Variants in ABCA1 observed in about 807,000 individuals in gnomAD.
The protein encoded by ABCA1 is ATP binding cassette subfamily A member 1, also known as phospholipid-transporting ATPase ABCA1.
A neutral mutation model predicts 262.5 loss-of-function variants in ABCA1; 133 were observed. The observed-to-expected ratio is 0.51, with a 90% CI of 0.44 to 0.59. The LOEUF is 0.59. Among genes scored for constraint, ABCA1 ranks in the 20% least tolerant of loss-of-function variants. The pLI is 0.00. For synonymous variants in ABCA1, 1,022 were observed against 1,043.5 expected (o/e 0.98, Z 0.40); for missense variants, 2,452 against 2,777.5 (o/e 0.88, Z 2.63).
intron 5 of ABCA1, among the ~76,000 whole-genome samples, chr9:104,864,746 C>T (rs1167216509): frequency 1.3e-5 from 2 of 152,066 alleles, no homozygotes; most frequent in Admixed American, 6.5e-5. Context: ...AGCAGGGTGG[C>T]AGAAGTGTGG....
chr9:104,784,119 C>T lies in ABCA1; in HGVS notation c.*196G>A. Reference sequence around the variant, plus strand: ...ACTTGAGAGCCATACAAGACATAGGCTACAAAGGCACTGCCCCTGTAATGG... The same window carrying T: ...ACTTGAGAGCCATACAAGACATAGGTTACAAAGGCACTGCCCCTGTAATGG... On this transcript the variant is annotated 3_prime_UTR_variant, in exon 50 of 50. Coordinates refer to ENST00000374736, the MANE Select transcript of ABCA1 (RefSeq NM_005502.4). 1 of 641,670 alleles carries T rather than the reference C, an allele frequency of 1.6e-6. No individual in the cohort carries two copies. The highest frequency in any genetic ancestry group is 2.7e-6 in the Non-Finnish European group (1 of 375,648). 39.7% of individuals were successfully genotyped at this position (641,670 alleles called of 1,614,324 possible). A position where few individuals can be genotyped will look rare whatever the true frequency, so the allele number is the denominator to read the frequency against.
chr9:104,831,367 G>A (rs1833308395), intron 13 of ABCA1, among the ~76,000 whole-genome samples: 1 of 151,754 alleles, frequency 6.6e-6, no homozygotes, highest in South Asian at 2.1e-4. Context: ...ACAGGTGCCT[G>A]CCACCAAAAT....
intron 14 of ABCA1, among the ~76,000 whole-genome samples, chr9:104,829,647 G>A (rs1406365251): frequency 6.6e-6 from 1 of 152,094 alleles, no homozygotes; most frequent in Non-Finnish European, 1.5e-5. Context: ...TGAGGTTCAC[G>A]TCAAAGCTTT....
At chr9:104,824,236 C>A (rs545564157) in intron 18 of ABCA1, among the ~76,000 whole-genome samples, 1 of 151,050 alleles carries the variant, frequency 6.6e-6, no homozygotes, top group East Asian at 2.1e-4. Flanking sequence ...GAAGCCAAGA[C>A]AACAAAGAAA....
rs557345999 is a variant in ABCA1, at chr9:104,851,338, G to A, written c.721-5769C>T. On this transcript the variant is annotated intron_variant, in intron 7 of 49. Coordinates refer to ENST00000374736, the MANE Select transcript of ABCA1 (RefSeq NM_005502.4). ...AAGGCCCTATATCCTCACATGGCTC[G>A]TGAAGAAAGACCTGCCTCAGCCGAC... Among the ~76,000 whole-genome samples the A allele has an allele frequency of 1.5e-4, 23 of 152,186 alleles. No individual in the cohort carries two copies. The South Asian group carries it at 2.3e-3, about 15-fold the overall frequency.
At position 104,783,250 on chromosome 9, in the gene ABCA1, A is replaced by G. The variant is rs1251960608; in HGVS notation, c.*1065T>C. On this transcript the variant is annotated 3_prime_UTR_variant, in exon 50 of 50. Transcript: ENST00000374736. ...TTCTAAGGATTCAGAAGTCACTGAT[A>G]GAACTTAAAATTCCAAATAACATTA... is the stretch of plus-strand genomic sequence containing the variant. 6.6e-6 allele frequency: 1 copy of G among 152,276 alleles called. No individual in the cohort carries two copies. Among genetic ancestry groups the G allele is most frequent in the East Asian group, 1.9e-4 (1 of 5,200 alleles). The allele number at this position is 152,276 out of a possible 1,614,324, so 9.4% of individuals were successfully genotyped here. A position where few individuals can be genotyped will look rare whatever the true frequency, so the allele number is the denominator to read the frequency against.
At chr9:104,903,561 A>C in intron 2 of ABCA1, 53 bp downstream of exon 2, 2 of 1,542,646 alleles carry the variant, frequency 1.3e-6, no homozygotes, top group Non-Finnish European at 1.8e-6. Flanking sequence ...CCCAACTCAA[A>C]ACCACAAAGA....
chr9:104,905,825 A>C (rs1841085571), intron 1 of ABCA1, among the ~76,000 whole-genome samples: 1 of 152,218 alleles, frequency 6.6e-6, no homozygotes, highest in Non-Finnish European at 1.5e-5. Flanking sequence ...GAAATCCCCA[A>C]GGTAACAATG....
At chr9:104,857,478 C>T (rs960257464) in intron 7 of ABCA1, among the ~76,000 whole-genome samples, 7 of 152,130 alleles carry the variant, frequency 4.6e-5, no homozygotes, top group African/African-American at 1.2e-4. Context: ...GTGATCTGCC[C>T]GCCGTGGCAT....
At chr9:104,893,769 A>T (rs1486619622) in intron 2 of ABCA1, among the ~76,000 whole-genome samples, 6 of 152,190 alleles carry the variant, frequency 3.9e-5, no homozygotes, top group Non-Finnish European at 8.8e-5. Flanking sequence ...AATTCTACCC[A>T]ACTCAGGAGG....
intron 12 of ABCA1, 67 bp downstream of exon 12, chr9:104,832,507 C>T (rs1006860120): frequency 8.3e-6 from 13 of 1,562,590 alleles, no homozygotes; most frequent in Admixed American, 1.7e-5. Context: ...CTGCCTGAAC[C>T]TTATTGTAAC....
chr9:104,803,145 G>T, intron 33 of ABCA1, 139 bp downstream of exon 33: 1 of 948,254 alleles, frequency 1.1e-6, no homozygotes, highest in East Asian at 2.4e-5. Context: ...CATGTTCACA[G>T]GGCTTCTGTC....
intron 7 of ABCA1, among the ~76,000 whole-genome samples, chr9:104,853,407 G>C (rs1180437150): frequency 6.6e-6 from 1 of 152,144 alleles, no homozygotes; most frequent in African/African-American, 2.4e-5. Context: ...TGCTGTGAGG[G>C]AGCTGGTCGA....
intron 2 of ABCA1, among the ~76,000 whole-genome samples, chr9:104,896,358 G>A (rs1006306723): frequency 1.6e-4 from 25 of 152,188 alleles, no homozygotes; most frequent in African/African-American, 6.0e-4. Flanking sequence ...CAGAACTGTA[G>A]TAGGATAAAT....
At chr9:104,830,368 T>A (rs530576729) in intron 14 of ABCA1, among the ~76,000 whole-genome samples, 1 of 152,310 alleles carries the variant, frequency 6.6e-6, no homozygotes, top group Admixed American at 6.5e-5. Flanking sequence ...ATTGAGCAAA[T>A]TTTGACCAAA....
chr9:104,819,864 C>T (rs1670547516), intron 21 of ABCA1, 63 bp downstream of exon 21: 7 of 1,608,880 alleles, frequency 4.4e-6, no homozygotes, highest in Non-Finnish European at 5.9e-6. Flanking sequence ...GCTGATTTTC[C>T]TCCGCATGTG....
At chr9:104,810,768 AC>A in intron 29 of ABCA1, 31 bp downstream of exon 29, 1 of 1,614,008 alleles carries the variant, frequency 6.2e-7, no homozygotes, top group South Asian at 1.1e-5. Context: ...CTCGAATCTT[AC>A]CCCCTCCTGG....
chr9:104,817,515 A>G lies in ABCA1; in HGVS notation c.3463-111T>C. The G allele has an allele frequency of 8.4e-7, 1 of 1,194,014 alleles. No individual in the cohort carries two copies. Among genetic ancestry groups the G allele is most frequent in the Non-Finnish European group, 1.2e-6 (1 of 820,444 alleles). The allele number at this position is 1,194,014 out of a possible 1,614,324, so 74.0% of individuals were successfully genotyped here. A position where few individuals can be genotyped will look rare whatever the true frequency, so the allele number is the denominator to read the frequency against. On this transcript the variant is annotated intron_variant, in intron 23 of 49. Coordinates refer to ENST00000374736, the MANE Select transcript of ABCA1 (RefSeq NM_005502.4). This position sits in a 1 kb window ranked among gnomAD's most constrained non-coding sequence, Gnocchi z 4.7. ...AGCTCTGTTGTGTGAGAACTAAAGG[A>G]AAAAGCTTTCCCTGGGACACATGCA...
chr9:104,881,106 G>A (rs546089808), intron 5 of ABCA1, among the ~76,000 whole-genome samples: 2 of 152,154 alleles, frequency 1.3e-5, no homozygotes, highest in Non-Finnish European at 2.9e-5. Flanking sequence ...CCAAGACTGC[G>A]CCACTGCACT....
Sources: allele counts gnomAD v4.1 joint callset (sites outside exome capture counted in the v4.1 genomes callset), GRCh38; gene constraint gnomAD v4.1.1; non-coding constraint Gnocchi (gnomAD v3.1); transcripts MANE v1.5; gene names NCBI Gene and HGNC (gene_info 2026-07-23, HGNC 2026-07-21).